EXOC6: variants seen among roughly 807,000 people sequenced by gnomAD.
EXOC6 encodes SEC15-like 1.
In EXOC6, 60 loss-of-function variants were observed where a neutral mutation model predicts 112.5. That is an observed-to-expected ratio of 0.53 (90% CI 0.43 to 0.66). The LOEUF (loss-of-function observed/expected upper bound fraction) is 0.66. Ranked by LOEUF, EXOC6 falls within the 30% of genes least tolerant of loss-of-function variation. The pLI, the probability that EXOC6 is intolerant of heterozygous loss-of-function variation, is 0.00. For missense variants in EXOC6, 855 were observed against 957.1 expected, an observed-to-expected ratio of 0.89 and a Z score of 1.41; for synonymous variants, 295 against 308.0, an observed-to-expected ratio of 0.96 and a Z score of 0.44.
At chr10:92,877,463 C>T (rs548060316) in intron 1 of EXOC6, among the ~76,000 whole-genome samples, 5 of 152,266 alleles carry the variant, frequency 3.3e-5, no homozygotes, top group African/African-American at 1.2e-4. Flanking sequence ...GTCCTTTATA[C>T]TTCTCCAGGT....
intron 1 of EXOC6, among the ~76,000 whole-genome samples, chr10:92,889,397 C>T (rs1849383443): frequency 6.6e-6 from 1 of 152,150 alleles, no homozygotes; most frequent in Admixed American, 6.5e-5. Context: ...CTATCCTACT[C>T]ATCCAAAGCC....
intron 12 of EXOC6, among the ~76,000 whole-genome samples, chr10:92,938,931 T>C (rs1451068962): frequency 1.3e-5 from 2 of 151,832 alleles, no homozygotes; most frequent in Non-Finnish European, 2.9e-5. Flanking sequence ...GAAGGATGAG[T>C]TCAGCAAATA....
intron 1 of EXOC6, among the ~76,000 whole-genome samples, chr10:92,877,804 A>G (rs1054655340): frequency 6.6e-6 from 1 of 152,198 alleles, no homozygotes; most frequent in Non-Finnish European, 1.5e-5. Flanking sequence ...AACAAATTAA[A>G]TATATATGTA....
intron 7 of EXOC6, among the ~76,000 whole-genome samples, chr10:92,918,948 C>G (rs1261686238): frequency 6.6e-6 from 1 of 152,174 alleles, no homozygotes; most frequent in Non-Finnish European, 1.5e-5. Flanking sequence ...AAATGCCTTC[C>G]TAATGTGGAA....
At chr10:92,889,780 C>G (rs567562814) in intron 1 of EXOC6, among the ~76,000 whole-genome samples, 29 of 150,844 alleles carry the variant, frequency 1.9e-4, no homozygotes, top group Admixed American at 1.1e-3. Context: ...GTGGGGGTTG[C>G]GCTCTGTCAC....
upstream of EXOC6, chr10:92,834,682 C>A: frequency 6.9e-6 from 9 of 1,304,652 alleles, no homozygotes; most frequent in Admixed American, 2.2e-5. Context: ...TAAATTACAA[C>A]AGTTTTTCAC....
At chr10:93,018,045 A>C (rs2134248797) in intron 20 of EXOC6, among the ~76,000 whole-genome samples, 1 of 151,782 alleles carries the variant, frequency 6.6e-6, no homozygotes, top group Admixed American at 6.5e-5. Flanking sequence ...TAAAAATAAA[A>C]ATTTTAAAAA....
intron 13 of EXOC6, among the ~76,000 whole-genome samples, chr10:92,943,923 A>G (rs959003629): frequency 2.0e-5 from 3 of 152,164 alleles, no homozygotes; most frequent in Non-Finnish European, 2.9e-5. Flanking sequence ...CTGGTAACCT[A>G]TAAATCAGAA....
At position 92,966,646 on chromosome 10, in the gene EXOC6, C is replaced by T. The variant is rs1842076983; in HGVS notation, c.1774-7407C>T. Among the ~76,000 whole-genome samples the T allele has an allele frequency of 2.7e-5, 4 of 150,376 alleles. No individual in the cohort carries two copies. In the South Asian group the frequency reaches 8.5e-4, roughly 32 times the overall value. On this transcript the variant is annotated intron_variant, in intron 17 of 21. Transcript: ENST00000260762. ...TCATTTTTTATGGCTGCATAGTATT[C>T]CATGATGTATATGTGCCACATTTTC...
chr10:92,892,918 C>T (rs1430670554), intron 1 of EXOC6, among the ~76,000 whole-genome samples: 1 of 152,138 alleles, frequency 6.6e-6, no homozygotes, highest in Non-Finnish European at 1.5e-5. Context: ...ATAACAATAC[C>T]TACTTTGTAG....
At chr10:92,923,645 A>G in intron 8 of EXOC6, among the ~76,000 whole-genome samples, 1 of 152,206 alleles carries the variant, frequency 6.6e-6, no homozygotes, top group East Asian at 1.9e-4. Flanking sequence ...AGAGTGAGTC[A>G]TCCAGGAGAG....
At chr10:92,838,144 G>A (rs984835687) in intron 1 of EXOC6, among the ~76,000 whole-genome samples, 10 of 152,232 alleles carry the variant, frequency 6.6e-5, no homozygotes, top group Middle Eastern at 3.4e-3. Context: ...GTAACTGAAC[G>A]GCACTTCTTT....
At chr10:93,018,594 C>T (rs1453020706) in intron 20 of EXOC6, among the ~76,000 whole-genome samples, 2 of 143,692 alleles carry the variant, frequency 1.4e-5, no homozygotes, top group East Asian at 2.3e-4. Context: ...GTGTTTGCCT[C>T]TTAAATCTTA....
upstream of EXOC6, among the ~76,000 whole-genome samples, chr10:92,843,758 G>A (rs1846944516): frequency 6.6e-6 from 1 of 152,096 alleles, no homozygotes; most frequent in African/African-American, 2.4e-5. Context: ...GGGAGCCCGA[G>A]GTGGGTGGAT....
intron 18 of EXOC6, among the ~76,000 whole-genome samples, chr10:92,984,566 C>T (rs149734677): frequency 9.2e-5 from 14 of 152,036 alleles, no homozygotes; most frequent in East Asian, 7.7e-4. Context: ...AATTACCAGT[C>T]GGTTTTGCTG....
At chr10:92,896,011 GTATATATGTGTA>G (rs1849733607) in intron 4 of EXOC6, among the ~76,000 whole-genome samples, 2 of 139,354 alleles carry the variant, frequency 1.4e-5, no homozygotes, top group Non-Finnish European at 3.1e-5. Context: ...ATATATATGT[GTATATATGTGTA>G]TATATATGTG....
intron 1 of EXOC6, among the ~76,000 whole-genome samples, chr10:92,861,415 A>G (rs997366621): frequency 5.9e-5 from 9 of 152,216 alleles, no homozygotes; most frequent in African/African-American, 1.7e-4. Flanking sequence ...TGGGTCCCCA[A>G]TATCCATGGT....
chr10:92,877,425 C>T (rs929469875), intron 1 of EXOC6, among the ~76,000 whole-genome samples: 1 of 152,144 alleles, frequency 6.6e-6, no homozygotes, highest in African/African-American at 2.4e-5. Flanking sequence ...TCATTTTCCT[C>T]ATCTGTGAGA....
intron 20 of EXOC6, among the ~76,000 whole-genome samples, chr10:93,021,066 T>C (rs1844761328): frequency 1.3e-5 from 2 of 152,156 alleles, no homozygotes; most frequent in East Asian, 3.9e-4. Flanking sequence ...TTTTGTCACA[T>C]AGGCTCAACA....
Sources: gnomAD v4.1 joint callset for allele counts (sites outside exome capture counted in the v4.1 genomes callset) on GRCh38, gnomAD v4.1.1 for gene constraint, MANE v1.5 for transcripts, NCBI Gene and HGNC (gene_info 2026-07-23, HGNC 2026-07-21) for gene names.